The following NCALD variants were observed in gnomAD, a reference collection of about 807,000 sequenced individuals.
NCALD encodes the protein neurocalcin-delta.
A neutral mutation model predicts 18.6 loss-of-function variants in NCALD; 10 were observed. The ratio of observed to expected loss-of-function variants is 0.54; its 90% confidence interval spans 0.33 to 0.91. NCALD has a LOEUF of 0.91. NCALD is among the 40% of genes least tolerant of loss of function. The pLI, the probability that NCALD is intolerant of heterozygous loss-of-function variation, is 0.03. For missense variants in NCALD, 184 were observed against 247.6 expected (o/e 0.74, Z 1.72); for synonymous variants, 88 against 87.4 (o/e 1.01, Z -0.04).
intron 2 of NCALD, among the ~76,000 whole-genome samples, chr8:102,003,676 C>T (rs988494188): frequency 2.0e-5 from 3 of 152,156 alleles, no homozygotes; most frequent in African/African-American, 7.2e-5. Context: ...CAAGCTTATC[C>T]ACCATGATCA....
intron 2 of NCALD, among the ~76,000 whole-genome samples, chr8:101,703,821 G>A (rs1815385977): frequency 6.6e-6 from 1 of 152,140 alleles, no homozygotes; most frequent in African/African-American, 2.4e-5. Context: ...AGCTGTGGCA[G>A]GTCTCCCTCA....
chr8:101,991,702 C>A (rs1821055514), intron 2 of NCALD, among the ~76,000 whole-genome samples: 1 of 152,104 alleles, frequency 6.6e-6, no homozygotes, highest in Non-Finnish European at 1.5e-5. Context: ...GCAAAAGGGG[C>A]TGGCTAGGTC....
intron 4 of NCALD, among the ~76,000 whole-genome samples, chr8:101,800,467 AAG>A (rs1812797624): frequency 6.6e-6 from 1 of 152,098 alleles, no homozygotes; most frequent in Non-Finnish European, 1.5e-5. Context: ...AGGAGGAAAA[AAG>A]AGCAATAAAT....
chr8:102,032,547 T>C (rs1822712402), intron 1 of NCALD, among the ~76,000 whole-genome samples: 2 of 142,400 alleles, frequency 1.4e-5, no homozygotes, highest in South Asian at 4.6e-4. Flanking sequence ...TACAAATCTA[T>C]ACTAACTCAT....
chr8:101,759,405 G>A (rs1421344161), intron 1 of NCALD, among the ~76,000 whole-genome samples: 5 of 152,142 alleles, frequency 3.3e-5, no homozygotes, highest in Non-Finnish European at 1.5e-5. Context: ...GGAAGAGGAG[G>A]AGGAGGAAAG....
chr8:102,015,373 C>T (rs1011707501), intron 2 of NCALD, among the ~76,000 whole-genome samples: 2 of 152,106 alleles, frequency 1.3e-5, no homozygotes, highest in Admixed American at 6.5e-5. Flanking sequence ...GAAAAATGCC[C>T]AACACAGCCA....
intron 1 of NCALD, among the ~76,000 whole-genome samples, chr8:102,111,412 A>ATGTGTATGTG (rs1825634962): frequency 6.8e-6 from 1 of 147,656 alleles, no homozygotes; most frequent in South Asian, 2.2e-4. Context: ...GTCTAAAGAG[A>ATGTGTATGTG]TGTGTGTGTG....
At chr8:101,856,473 G>A (rs968319439) in intron 4 of NCALD, among the ~76,000 whole-genome samples, 3 of 151,962 alleles carry the variant, frequency 2.0e-5, no homozygotes, top group South Asian at 2.1e-4. Context: ...TCACATGTCC[G>A]AGCCACCACG....
chr8:102,100,241 A>G (rs1446318798), intron 1 of NCALD, among the ~76,000 whole-genome samples: 1 of 152,224 alleles, frequency 6.6e-6, no homozygotes, highest in Non-Finnish European at 1.5e-5. Flanking sequence ...AGATCAAAAC[A>G]ATCAAATATA....
intron 1 of NCALD, among the ~76,000 whole-genome samples, chr8:102,104,085 A>G (rs1219249227): frequency 1.3e-5 from 2 of 152,220 alleles, no homozygotes; most frequent in Non-Finnish European, 2.9e-5. Context: ...CGTAGCCTCA[A>G]ACTATATCCG....
At chr8:101,949,708 T>C (rs963083054) in intron 2 of NCALD, among the ~76,000 whole-genome samples, 2 of 152,128 alleles carry the variant, frequency 1.3e-5, no homozygotes, top group Admixed American at 6.5e-5. Context: ...GGTTATGTTT[T>C]GTATTCTTTA....
intron 1 of NCALD, among the ~76,000 whole-genome samples, chr8:102,023,520 C>T (rs547686418): frequency 1.3e-5 from 2 of 152,306 alleles, no homozygotes; most frequent in Admixed American, 1.3e-4. Context: ...GCTGCCCATT[C>T]CCAAGGGGGA....
At position 102,016,470 on chromosome 8, in the gene NCALD, T is replaced by C. The variant is rs141511016; in HGVS notation, c.-157+3767A>G. On this transcript the variant is annotated intron_variant, in intron 2 of 6. Transcript: ENST00000311028. The stretch of plus-strand genomic sequence containing the variant: ...CACAAACATGAAGAAAGAGGTCCCC[T>C]TTGTGGAGCAAGGATGAAGAGTTTG... 3.8e-3 allele frequency among the ~76,000 whole-genome samples: 580 copies of C among 152,276 alleles called. 3 individuals carry two copies. Among genetic ancestry groups the C allele is most frequent in the African/African-American group, 0.013 (553 of 41,542 alleles).
intron 2 of NCALD, among the ~76,000 whole-genome samples, chr8:101,928,874 A>G (rs1247923432): frequency 2.0e-5 from 3 of 152,116 alleles, no homozygotes; most frequent in African/African-American, 7.2e-5. Flanking sequence ...ATTAGATACA[A>G]AAACACTGTG....
chr8:101,864,263 C>G (rs1439920147), intron 4 of NCALD, among the ~76,000 whole-genome samples: 1 of 152,244 alleles, frequency 6.6e-6, no homozygotes, highest in East Asian at 1.9e-4. Context: ...AAGAGGCTAA[C>G]TGTGTGCAAA....
At chr8:101,733,176 T>C (rs550518626) in intron 1 of NCALD, among the ~76,000 whole-genome samples, 1 of 152,324 alleles carries the variant, frequency 6.6e-6, no homozygotes, top group East Asian at 1.9e-4. Context: ...AGTATTAATG[T>C]TTGTCTATCA....
intron 1 of NCALD, among the ~76,000 whole-genome samples, chr8:102,085,235 C>T (rs1824697804): frequency 6.6e-6 from 1 of 152,190 alleles, no homozygotes; most frequent in African/African-American, 2.4e-5. Context: ...ACTCTGCCAT[C>T]TACCCACTAG....
chr8:101,759,295 C>T (rs1234500978), intron 1 of NCALD, among the ~76,000 whole-genome samples: 2 of 152,134 alleles, frequency 1.3e-5, no homozygotes, highest in Non-Finnish European at 2.9e-5. Context: ...ATTCACTCTC[C>T]TAAGCCTAGG....
intron 2 of NCALD, among the ~76,000 whole-genome samples, chr8:102,008,024 T>C (rs1456126184): frequency 6.6e-6 from 1 of 152,242 alleles, no homozygotes; most frequent in Admixed American, 6.5e-5. Context: ...TATTTTTGCC[T>C]ATTTATTGTA....
Sources: gnomAD v4.1 joint callset for allele counts (sites outside exome capture counted in the v4.1 genomes callset) on GRCh38, gnomAD v4.1.1 for gene constraint, MANE v1.5 for transcripts, NCBI Gene and HGNC (gene_info 2026-07-23, HGNC 2026-07-21) for gene names.